PKD2: variants seen among roughly 807,000 people sequenced by gnomAD.
PKD2 encodes polycystin-2.
PKD2 carries 48 observed loss-of-function variants against 105.9 expected under a neutral mutation model. That is an observed-to-expected ratio of 0.45 (90% CI 0.36 to 0.58). The LOEUF is 0.58. Ranked by LOEUF, PKD2 falls within the 20% of genes least tolerant of loss-of-function variation. The pLI, the probability that PKD2 is intolerant of heterozygous loss-of-function variation, is 0.00. For synonymous variants in PKD2, 464 were observed against 481.1 expected (o/e 0.96, Z 0.46); for missense variants, 1,078 against 1,255.3 (o/e 0.86, Z 2.13).
At chr4:88,032,026 C>T (rs1272951614) in intron 2 of PKD2, among the ~76,000 whole-genome samples, 2 of 152,014 alleles carry the variant, frequency 1.3e-5, no homozygotes, top group Non-Finnish European at 2.9e-5. Context: ...TCTAGAGATG[C>T]GTTTTTATTT....
At chr4:88,070,572 TTTTA>T (rs1237259730) in intron 13 of PKD2, among the ~76,000 whole-genome samples, 2 of 85,884 alleles carry the variant, frequency 2.3e-5, no homozygotes, top group Non-Finnish European at 4.5e-5. Context: ...TATTTATTTA[TTTTA>T]TATATATATA....
rs1196736648 is a variant in PKD2 at position 88,066,530 on chromosome 4, T to A, written c.2358+651T>A. Among the ~76,000 whole-genome samples the A allele has an allele frequency of 2.0e-5, 3 of 151,964 alleles. No individual in the cohort carries two copies. The East Asian group carries it at 5.8e-4, about 29-fold the overall frequency. On this transcript the variant is annotated intron_variant, in intron 12 of 14. Coordinates refer to ENST00000237596, the MANE Select transcript of PKD2 (RefSeq NM_000297.4). ...GCACATGCCATCATGCCCGGCTAAT[T>A]TTTGTATTTGTAGTAGATATGGGGT...
intron 2 of PKD2, among the ~76,000 whole-genome samples, chr4:88,030,292 C>T (rs1374538063): frequency 1.3e-5 from 2 of 152,026 alleles, no homozygotes; most frequent in African/African-American, 2.4e-5. Flanking sequence ...CCACAGGCAC[C>T]TACCACCCAG....
chr4:88,063,879 A>C (rs1161378539), intron 10 of PKD2, among the ~76,000 whole-genome samples: 2 of 150,814 alleles, frequency 1.3e-5, no homozygotes, highest in East Asian at 3.9e-4. Flanking sequence ...TTGGGGCTGG[A>C]CATGGTGGCT....
chr4:88,030,982 T>C (rs1279987285), intron 2 of PKD2, among the ~76,000 whole-genome samples: 2 of 152,220 alleles, frequency 1.3e-5, no homozygotes, highest in Non-Finnish European at 2.9e-5. Flanking sequence ...GTCCCCAACT[T>C]ACGATGGTTC....
intron 12 of PKD2, among the ~76,000 whole-genome samples, chr4:88,066,196 C>G (rs1720787649): frequency 6.6e-6 from 1 of 152,030 alleles, no homozygotes; most frequent in Admixed American, 6.6e-5. Flanking sequence ...TAAGATTGGG[C>G]TACAAATTGG....
rs1228823360 is a variant in PKD2 at position 88,041,028 on chromosome 4, C to T, written c.1095-2205C>T. Among the ~76,000 whole-genome samples the T allele has an allele frequency of 3.3e-5, 5 of 152,222 alleles. No individual in the cohort carries two copies. The East Asian group carries it at 9.6e-4, about 29-fold the overall frequency. ...GAAGAAACGTCCTTTCTTCACAGAG[C>T]TTGCATTCTAGTGATACAAGACACA... On this transcript the variant is annotated intron_variant, in intron 4 of 14. Coordinates refer to ENST00000237596, the MANE Select transcript of PKD2 (RefSeq NM_000297.4).
rs1720128182 is a variant in PKD2, at chr4:88,052,127, C to T, written c.1685C>T (p.Ala562Val). ...TGGCAGATACAGTTCAACAATATAG[C>T]TGCTGTCACAGTATTTTTTGTCTGG... ...AYWQIQFNNI[A>V]AVTVFFVWIK... The change falls in exon 7 of 15, where the codon GCT (alanine) becomes GTT (valine). Residue 562 changes from alanine (A) to valine (V), a missense_variant. Physicochemically the swap from Ala to Val is moderately conservative, Grantham distance 64. Around this residue, in one of 2 missense-constraint regions of PKD2, gnomAD observed 868 missense variants for 1,067.3 expected, o/e 0.81. Transcript: ENST00000237596. The T allele has an allele frequency of 6.2e-7, 1 of 1,604,178 alleles. No individual in the cohort carries two copies. Among genetic ancestry groups the T allele is most frequent in the Non-Finnish European group, 8.5e-7 (1 of 1,171,560 alleles).
intron 2 of PKD2, among the ~76,000 whole-genome samples, chr4:88,035,198 G>C (rs1727290935): frequency 6.6e-6 from 1 of 152,184 alleles, no homozygotes; most frequent in African/African-American, 2.4e-5. Context: ...ATCAGACCCT[G>C]ATCTCCTTTG....
intron 2 of PKD2, among the ~76,000 whole-genome samples, chr4:88,026,993 C>T (rs1381202476): frequency 2.6e-5 from 4 of 152,206 alleles, no homozygotes; most frequent in Admixed American, 6.5e-5. Context: ...GGAAACACCT[C>T]GATGTCCAGG....
At position 88,022,071 on chromosome 4, in the gene PKD2, C is replaced by G. The variant is rs573006139; in HGVS notation, c.709+2500C>G. Reference sequence around the variant, plus strand: ...TTGTGCAACCTACCATGGCCAGACTCATGAGGCTGTTTCATCATATAAATA... The same window carrying G: ...TTGTGCAACCTACCATGGCCAGACTGATGAGGCTGTTTCATCATATAAATA... On this transcript the variant is annotated intron_variant, in intron 2 of 14. Transcript: ENST00000237596. 1.1e-4 allele frequency among the ~76,000 whole-genome samples: 16 copies of G among 152,354 alleles called. No homozygotes were observed. In the South Asian group the frequency reaches 3.1e-3, roughly 30 times the overall value.
chr4:88,026,795 AT>A (rs1185229237), intron 2 of PKD2, among the ~76,000 whole-genome samples: 3 of 152,224 alleles, frequency 2.0e-5, no homozygotes, highest in African/African-American at 7.2e-5. Flanking sequence ...GCCTTGGGAC[AT>A]GGCACCCTGT....
intron 2 of PKD2, among the ~76,000 whole-genome samples, chr4:88,022,378 A>C (rs1481037425): frequency 6.6e-6 from 1 of 152,252 alleles, no homozygotes; most frequent in Non-Finnish European, 1.5e-5. Context: ...ACATCAGTCC[A>C]TTAATCAAGG....
At position 88,007,873 on chromosome 4, in the gene PKD2, G is replaced by A. The variant is rs1726228664; in HGVS notation, c.140G>A (p.Cys47Tyr). ...AGCCTCGCCGCCCCGGGCGGCCTCT[G>A]CGAGCAGCGGGGCCTGGAGATCGAG... is the stretch of plus-strand genomic sequence containing the variant. The part of the protein sequence containing the change: ...GASLAAPGGL[C>Y]EQRGLEIEMQ... Residue 47 changes from cysteine (C) to tyrosine (Y), a missense_variant, in exon 1 of 15, where the codon TGC (cysteine) becomes TAC (tyrosine). Cys to Tyr is a radical substitution (Grantham distance 194). Around this residue, in one of 2 missense-constraint regions of PKD2, gnomAD observed 210 missense variants for 187.9 expected, o/e 1.12. Transcript: ENST00000237596. The A allele has an allele frequency of 1.6e-6, 2 of 1,280,430 alleles. No individual in the cohort carries two copies. Among genetic ancestry groups the A allele is most frequent in the Non-Finnish European group, 9.9e-7 (1 of 1,011,830 alleles). 79.3% of individuals were successfully genotyped at this position (1,280,430 alleles called of 1,614,324 possible). A position where few individuals can be genotyped will look rare whatever the true frequency, so the allele number is the denominator to read the frequency against.
In PKD2 at chr4:88,077,726, A is replaced by C. The variant is rs151074095; in HGVS notation, c.*2032A>C. 3.3e-5 allele frequency: 5 copies of C among 152,312 alleles called. No homozygotes were observed. Among genetic ancestry groups the C allele is most frequent in the African/African-American group, 9.6e-5 (4 of 41,570 alleles). 9.4% of individuals were successfully genotyped at this position (152,312 alleles called of 1,614,324 possible). A position where few individuals can be genotyped will look rare whatever the true frequency, so the allele number is the denominator to read the frequency against. ...TTTCTCGACAATCAAGAATGTTATT[A>C]ATGTGTAATACTGAGCACTTTACTT... On this transcript the variant is annotated 3_prime_UTR_variant, in exon 15 of 15. Transcript: ENST00000237596.
intron 4 of PKD2, among the ~76,000 whole-genome samples, chr4:88,040,813 G>T (rs185360599): frequency 2.6e-4 from 39 of 152,070 alleles, no homozygotes; most frequent in African/African-American, 8.9e-4. Context: ...TTATTCCCAG[G>T]TTCTATATTC....
intron 2 of PKD2, among the ~76,000 whole-genome samples, chr4:88,028,843 TTGTC>T (rs1375539457): frequency 6.6e-6 from 1 of 152,190 alleles, no homozygotes; most frequent in African/African-American, 2.4e-5. Flanking sequence ...ATATCCAAGA[TTGTC>T]TGTATATAAA....
intron 6 of PKD2, 21 bp downstream of exon 6, chr4:88,046,891 AAATTT>A (rs772302417): frequency 7.5e-7 from 1 of 1,336,458 alleles, no homozygotes; most frequent in South Asian, 1.2e-5. Context: ...GAACAACACC[AAATTT>A]CCTATTCTAT....
chr4:88,038,524 C>A, intron 4 of PKD2, 23 bp downstream of exon 4: 1 of 1,611,962 alleles, frequency 6.2e-7, no homozygotes, highest in South Asian at 1.1e-5. Flanking sequence ...GACTCATTGC[C>A]ACTCGGTGAT....
Sources: gnomAD v4.1 joint callset for allele counts (sites outside exome capture counted in the v4.1 genomes callset) on GRCh38, gnomAD v4.1.1 for gene constraint, gnomAD v4.1.1 regional missense constraint, MANE v1.5 for transcripts, NCBI Gene and HGNC (gene_info 2026-07-23, HGNC 2026-07-21) for gene names.